ERICH1: variants seen among roughly 807,000 people sequenced by gnomAD.
ERICH1 encodes glutamate-rich protein 1.
In ERICH1, 56 loss-of-function variants were observed where a neutral mutation model predicts 39.6. The ratio of observed to expected loss-of-function variants is 1.41; its 90% CI spans 1.14 to 1.77. ERICH1 has a LOEUF of 1.77. Among genes scored for constraint, ERICH1 ranks in the 40% most tolerant of loss-of-function variants. The pLI is 0.00. For synonymous variants in ERICH1, 313 were observed against 223.6 expected (o/e 1.40, Z -3.57); for missense variants, 826 against 575.4 (o/e 1.44, Z -4.45).
At chr8:710,288 G>A (rs182911466) in intron 2 of ERICH1, among the ~76,000 whole-genome samples, 167 of 151,388 alleles carry the variant, frequency 1.1e-3, no homozygotes, top group African/African-American at 3.4e-3. Flanking sequence ...CCCAGTCCTC[G>A]GCATCATACA....
chr8:623,740 C>A (rs916446743), intron 3 of ERICH1, among the ~76,000 whole-genome samples: 1 of 152,176 alleles, frequency 6.6e-6, no homozygotes, highest in Non-Finnish European at 1.5e-5. Flanking sequence ...TACACTAACA[C>A]AAAGACTAAC....
intron 3 of ERICH1, among the ~76,000 whole-genome samples, chr8:645,627 G>T (rs1216214306): frequency 1.5e-5 from 1 of 68,074 alleles, no homozygotes; most frequent in Non-Finnish European, 4.6e-5. Context: ...GAAGGCCTCC[G>T]TGGTATCAGG....
intron 2 of ERICH1, among the ~76,000 whole-genome samples, chr8:693,501 T>G (rs553256215): frequency 1.4e-3 from 206 of 152,362 alleles, no homozygotes; most frequent in African/African-American, 4.7e-3. Flanking sequence ...TCGTCGCCAC[T>G]GCAGACGGCT....
intron 2 of ERICH1, among the ~76,000 whole-genome samples, chr8:708,681 GTTTTTT>G (rs139731216): frequency 2.6e-3 from 172 of 65,744 alleles, no homozygotes; most frequent in African/African-American, 6.7e-3. Flanking sequence ...GGGATAATGA[GTTTTTT>G]TTTTTTTTTT....
chr8:690,562 A>G (rs1188803451), intron 3 of ERICH1, among the ~76,000 whole-genome samples: 3 of 152,246 alleles, frequency 2.0e-5, no homozygotes, highest in Non-Finnish European at 4.4e-5. Context: ...GTGGAAACCA[A>G]GTCTCAGAGG....
chr8:629,314 C>T (rs893866609), intron 3 of ERICH1, among the ~76,000 whole-genome samples: 1 of 151,962 alleles, frequency 6.6e-6, no homozygotes, highest in Non-Finnish European at 1.5e-5. Flanking sequence ...CCCGTGACCA[C>T]CCACAGAGAC....
intron 2 of ERICH1, among the ~76,000 whole-genome samples, chr8:697,419 C>G (rs1810576816): frequency 6.6e-6 from 1 of 152,328 alleles, no homozygotes; most frequent in African/African-American, 2.4e-5. Flanking sequence ...GCCCACGATG[C>G]AACTCCGTCA....
chr8:690,509 C>T (rs368183875), intron 3 of ERICH1, among the ~76,000 whole-genome samples: 36 of 152,370 alleles, frequency 2.4e-4, no homozygotes, highest in South Asian at 1.9e-3. Flanking sequence ...GACCCAAGGG[C>T]GCAGCAAGTG....
chr8:696,801 CA>C (rs1430306654), intron 2 of ERICH1, among the ~76,000 whole-genome samples: 9 of 79,708 alleles, frequency 1.1e-4, no homozygotes, highest in African/African-American at 2.2e-4. Flanking sequence ...TCTCACCCTC[CA>C]CTCCTCTCCT....
intron 3 of ERICH1, among the ~76,000 whole-genome samples, chr8:629,820 C>A: frequency 7.1e-6 from 1 of 141,466 alleles, no homozygotes; most frequent in South Asian, 2.2e-4. Flanking sequence ...TGAGCACCCA[C>A]ACAGACAAAG....
At chr8:707,828 T>C (rs935083269) in intron 2 of ERICH1, among the ~76,000 whole-genome samples, 12 of 152,224 alleles carry the variant, frequency 7.9e-5, no homozygotes, top group African/African-American at 2.9e-4. Flanking sequence ...TTTGGGGCTT[T>C]AAAGGATACC....
intron 3 of ERICH1, among the ~76,000 whole-genome samples, chr8:631,272 G>A (rs1703872): frequency 0.15 from 23,097 of 152,182 alleles, 2,191 homozygotes; most frequent in East Asian, 0.36. Context: ...CCCAGCCCCC[G>A]TGCCCCTGCT....
chr8:719,256 C>T (rs1209915402), intron 1 of ERICH1, among the ~76,000 whole-genome samples: 1 of 152,262 alleles, frequency 6.6e-6, no homozygotes, highest in Non-Finnish European at 1.5e-5. Flanking sequence ...CGGGCTCCCA[C>T]ATCGACCAGG....
rs1811672059 is a variant in ERICH1 at position 700,283 on chromosome 8, C to CGCACACG, written c.170-7672_170-7671insCGTGTGC. Among the ~76,000 whole-genome samples the CGCACACG allele has an allele frequency of 2.2e-5, 2 of 91,414 alleles. 1 individual carries two copies. The highest frequency in any genetic ancestry group is 4.9e-5 in the Non-Finnish European group (2 of 41,034). 60.0% of individuals were successfully genotyped at this position (91,414 alleles called of 152,430 possible). ...CACAGGCCCGCACAGGCGCACAGAC[C>CGCACACG]CGCACAGGCCCGGACACGCGCACAG... On this transcript the variant is annotated intron_variant, in intron 2 of 5. Coordinates refer to ENST00000262109, the MANE Select transcript of ERICH1 (RefSeq NM_207332.3).
At chr8:695,881 C>T (rs1340920201) in intron 2 of ERICH1, among the ~76,000 whole-genome samples, 2 of 131,238 alleles carry the variant, frequency 1.5e-5, no homozygotes, top group African/African-American at 6.2e-5. Context: ...CCCTCCACTC[C>T]TCTCCTTCCT....
chr8:620,330 T>C (rs2117026848), intron 3 of ERICH1, among the ~76,000 whole-genome samples: 1 of 151,548 alleles, frequency 6.6e-6, no homozygotes, highest in South Asian at 2.1e-4. Context: ...AATAAATCAA[T>C]AAAAAAGAAA....
At chr8:679,768 C>G (rs1403903250) in intron 3 of ERICH1, among the ~76,000 whole-genome samples, 1 of 152,232 alleles carries the variant, frequency 6.6e-6, no homozygotes, top group Admixed American at 6.5e-5. Flanking sequence ...CACCTCCACA[C>G]TGGGGCTCCA....
chr8:642,172 T>C (rs994887623), intron 3 of ERICH1, among the ~76,000 whole-genome samples: 6 of 152,072 alleles, frequency 3.9e-5, no homozygotes, highest in Admixed American at 3.9e-4. Context: ...TGGCCCACCA[T>C]CCCAGCACTT....
chr8:710,843 T>C (rs1266851049), intron 2 of ERICH1, among the ~76,000 whole-genome samples: 2 of 152,240 alleles, frequency 1.3e-5, no homozygotes, highest in Non-Finnish European at 2.9e-5. Context: ...AACATCCATG[T>C]GCAGGTTTAT....
Sources: allele counts gnomAD v4.1 joint callset (sites outside exome capture counted in the v4.1 genomes callset), GRCh38; gene constraint gnomAD v4.1.1; transcripts MANE v1.5; gene names NCBI Gene and HGNC (gene_info 2026-07-23, HGNC 2026-07-21).